Variants in DPYSL3 observed in about 807,000 individuals in gnomAD.
The protein encoded by DPYSL3 is dihydropyrimidinase like 3.
A neutral mutation model predicts 66.1 loss-of-function variants in DPYSL3; 16 were observed. That is an observed-to-expected ratio of 0.24 (90% confidence interval 0.16 to 0.37). The LOEUF (loss-of-function observed/expected upper bound fraction) is 0.37. Among genes scored for constraint, DPYSL3 ranks in the 10% least tolerant of loss-of-function variants. The probability of loss-of-function intolerance (pLI) is 1.00; values close to 1 mark genes in which losing one functional copy is unlikely to be tolerated. For missense variants in DPYSL3, 738 were observed against 916.2 expected (o/e 0.81, Z 2.51); for synonymous variants, 338 against 345.1 (o/e 0.98, Z 0.23).
At chr5:147,454,267 G>A (rs913904591) in intron 1 of DPYSL3, 29 of 152,194 alleles carry the variant, frequency 1.9e-4, no homozygotes, top group African/African-American at 6.5e-4. Context: ...CGGCGGCCGC[G>A]CCTTTGTTCG....
intron 8 of DPYSL3, 104 bp from the exon 9 acceptor site, chr5:147,401,800 G>A: frequency 1.4e-6 from 2 of 1,387,210 alleles, no homozygotes. Flanking sequence ...CTGTGTCTCA[G>A]AGTCAGACTG....
chr5:147,420,407 A>T (rs575758097), intron 2 of DPYSL3, among the ~76,000 whole-genome samples: 1 of 152,324 alleles, frequency 6.6e-6, no homozygotes, highest in South Asian at 2.1e-4. Context: ...CTATGAATAT[A>T]ATACTTGATA....
intron 1 of DPYSL3, among the ~76,000 whole-genome samples, chr5:147,425,905 C>T (rs1227926123): frequency 1.3e-5 from 2 of 151,978 alleles, no homozygotes; most frequent in African/African-American, 4.8e-5. Context: ...GAAAACAATT[C>T]CCAGGAGTCT....
intron 1 of DPYSL3, among the ~76,000 whole-genome samples, chr5:147,500,079 ACTC>A (rs1753579926): frequency 6.6e-6 from 1 of 152,136 alleles, no homozygotes; most frequent in African/African-American, 2.4e-5. Context: ...AAACTATAAA[ACTC>A]CTAGAAAATA....
chr5:147,509,794 C>T lies in DPYSL3; in HGVS notation c.65G>A (p.Arg22Lys). The T allele has an allele frequency of 6.5e-7, 1 of 1,535,972 alleles. No homozygotes were observed. Among genetic ancestry groups the T allele is most frequent in the Non-Finnish European group, 8.7e-7 (1 of 1,146,796 alleles). ...CGGGACCTGGTCCGTGGTGCCCGGC[C>T]TGGCCAGGTACACGGGCAGATCGTC... ...HEDDLPVYLARPGTTDQVPRQ... is the reference protein window; with the variant it reads ...HEDDLPVYLAKPGTTDQVPRQ... The change falls in exon 1 of 14, where the codon AGG becomes AAG. Residue 22 changes from arginine (R) to lysine (K), a missense_variant. Coordinates refer to ENST00000343218, the MANE Select transcript of DPYSL3 (RefSeq NM_001197294.2). This position sits in a 1 kb window ranked among gnomAD's most constrained non-coding sequence, Gnocchi z 5.3.
intron 1 of DPYSL3, among the ~76,000 whole-genome samples, chr5:147,452,765 A>T (rs1257686593): frequency 1.3e-5 from 2 of 152,234 alleles, no homozygotes; most frequent in Admixed American, 6.5e-5. Context: ...CAATGGGTTG[A>T]ACACTGCATG....
intron 1 of DPYSL3, among the ~76,000 whole-genome samples, chr5:147,443,796 T>C (rs1752578135): frequency 6.6e-6 from 1 of 152,066 alleles, no homozygotes; most frequent in Non-Finnish European, 1.5e-5. Context: ...AATTGGTAGT[T>C]TTGCTAATTC....
chr5:147,406,874 G>A (rs1758335875), intron 7 of DPYSL3, among the ~76,000 whole-genome samples: 1 of 152,186 alleles, frequency 6.6e-6, no homozygotes, highest in Admixed American at 6.5e-5. Flanking sequence ...ACTGTCCATT[G>A]TGGGTGTAGC....
At chr5:147,453,674 G>C (rs1353052184) in intron 1 of DPYSL3, 1 of 1,463,834 alleles carries the variant, frequency 6.8e-7, no homozygotes, top group African/African-American at 1.5e-5. Flanking sequence ...ACAGCGCCCC[G>C]AGATCAGGTG....
chr5:147,479,282 A>T (rs1232517760), intron 1 of DPYSL3, among the ~76,000 whole-genome samples: 1 of 152,198 alleles, frequency 6.6e-6, no homozygotes, highest in East Asian at 1.9e-4. Context: ...CTGAGCAGGG[A>T]TTTAAACCCT....
At chr5:147,488,518 A>G (rs1424344381) in intron 1 of DPYSL3, among the ~76,000 whole-genome samples, 1 of 152,162 alleles carries the variant, frequency 6.6e-6, no homozygotes, top group African/African-American at 2.4e-5. Flanking sequence ...AATTATCATT[A>G]CCAGCCTGGG....
intron 1 of DPYSL3, among the ~76,000 whole-genome samples, chr5:147,504,600 GGA>G (rs2126463362): frequency 6.6e-6 from 1 of 152,334 alleles, no homozygotes; most frequent in East Asian, 1.9e-4. Context: ...AGGATAAAGA[GGA>G]GAACATCAAT....
intron 10 of DPYSL3, 112 bp from the exon 11 acceptor site, chr5:147,399,364 C>A: frequency 7.8e-7 from 1 of 1,276,024 alleles, no homozygotes. Flanking sequence ...CAAAAAGGAG[C>A]CACCTGAAAA....
At chr5:147,443,522 A>G (rs1253259152) in intron 1 of DPYSL3, among the ~76,000 whole-genome samples, 9 of 151,020 alleles carry the variant, frequency 6.0e-5, no homozygotes, top group Admixed American at 2.6e-4. Flanking sequence ...GGATGGGTCA[A>G]TAGGTGCAGC....
intron 1 of DPYSL3, among the ~76,000 whole-genome samples, chr5:147,446,807 C>T (rs897698493): frequency 6.6e-6 from 1 of 152,252 alleles, no homozygotes; most frequent in African/African-American, 2.4e-5. Flanking sequence ...ACACAACTCA[C>T]TTGTTGTTCC....
intron 1 of DPYSL3, among the ~76,000 whole-genome samples, chr5:147,469,904 A>G (rs374799461): frequency 1.3e-5 from 2 of 152,288 alleles, no homozygotes; most frequent in African/African-American, 4.8e-5. Flanking sequence ...CACCATCTTG[A>G]TCCTTCAGGA....
At chr5:147,450,956 A>G (rs567930907) in intron 1 of DPYSL3, among the ~76,000 whole-genome samples, 1 of 152,332 alleles carries the variant, frequency 6.6e-6, no homozygotes, top group Non-Finnish European at 1.5e-5. Flanking sequence ...GGTATATGTT[A>G]TACTTAGATC....
intron 1 of DPYSL3, among the ~76,000 whole-genome samples, chr5:147,495,156 A>G (rs1581218324): frequency 6.6e-6 from 1 of 152,282 alleles, no homozygotes; most frequent in Non-Finnish European, 1.5e-5. Context: ...ATTCTCTACA[A>G]TCTCTTTCAG....
At chr5:147,489,074 T>C (rs1007235676) in intron 1 of DPYSL3, among the ~76,000 whole-genome samples, 6 of 151,912 alleles carry the variant, frequency 3.9e-5, no homozygotes, top group African/African-American at 1.2e-4. Flanking sequence ...GGGCACATCA[T>C]GGTAACTGTT....
Sources: allele counts gnomAD v4.1 joint callset (sites outside exome capture counted in the v4.1 genomes callset), GRCh38; gene constraint gnomAD v4.1.1; non-coding constraint Gnocchi (gnomAD v3.1); transcripts MANE v1.5; gene names NCBI Gene and HGNC (gene_info 2026-07-23, HGNC 2026-07-21).